GPC6: variants seen among roughly 807,000 people sequenced by gnomAD.
GPC6 encodes the protein glypican-6.
In GPC6, 14 loss-of-function variants were observed where a neutral mutation model predicts 55.2. The observed-to-expected ratio is 0.25, with a 90% CI of 0.17 to 0.40. The LOEUF (loss-of-function observed/expected upper bound fraction) is 0.40, where lower values mean the gene tolerates loss of function less well. Among genes scored for constraint, GPC6 ranks in the 10% least tolerant of loss-of-function variants. GPC6 has a pLI of 1.00. For synonymous variants in GPC6, 278 were observed against 259.6 expected (o/e 1.07, Z -0.68); for missense variants, 641 against 708.5 (o/e 0.90, Z 1.08).
At chr13:94,125,817 TA>T in intron 4 of GPC6, among the ~76,000 whole-genome samples, 2 of 152,098 alleles carry the variant, frequency 1.3e-5, no homozygotes, top group South Asian at 4.2e-4. Flanking sequence ...AAAGTTACAT[TA>T]TAAACTCCAG....
At chr13:93,556,016 C>G (rs1259438834) in intron 2 of GPC6, among the ~76,000 whole-genome samples, 1 of 152,170 alleles carries the variant, frequency 6.6e-6, no homozygotes, top group Non-Finnish European at 1.5e-5. Context: ...GCCTCCATAT[C>G]TAAGGTGGCA....
At chr13:94,107,459 T>C (rs1886095157) in intron 4 of GPC6, among the ~76,000 whole-genome samples, 1 of 152,120 alleles carries the variant, frequency 6.6e-6, no homozygotes, top group Non-Finnish European at 1.5e-5. Flanking sequence ...AGGCAATCCA[T>C]TCTTTTTGGG....
At chr13:93,643,725 T>A (rs764011613) in intron 2 of GPC6, among the ~76,000 whole-genome samples, 19 of 152,004 alleles carry the variant, frequency 1.2e-4, no homozygotes, top group Non-Finnish European at 1.6e-4. Context: ...GAGGCCAGAG[T>A]TTTCCTTTTG....
chr13:93,956,130 G>A (rs1328383133), intron 3 of GPC6, among the ~76,000 whole-genome samples: 1 of 151,970 alleles, frequency 6.6e-6, no homozygotes, highest in African/African-American at 2.4e-5. Context: ...TCCTCCTGCT[G>A]TCTTTGCTTG....
chr13:93,701,004 A>G (rs905250618), intron 2 of GPC6, among the ~76,000 whole-genome samples: 7 of 152,152 alleles, frequency 4.6e-5, no homozygotes, highest in Non-Finnish European at 1.0e-4. Flanking sequence ...AACAATTTGT[A>G]CTTACACTGA....
At chr13:93,375,172 A>G (rs1304118326) in intron 1 of GPC6, among the ~76,000 whole-genome samples, 1 of 152,184 alleles carries the variant, frequency 6.6e-6, no homozygotes, top group Non-Finnish European at 1.5e-5. Context: ...TTTCCTAATT[A>G]TTCTTCTTGA....
At chr13:93,653,481 T>C (rs1202338902) in intron 2 of GPC6, among the ~76,000 whole-genome samples, 1 of 152,122 alleles carries the variant, frequency 6.6e-6, no homozygotes, top group Non-Finnish European at 1.5e-5. Context: ...AAGCATGCTT[T>C]CACCTTCTTC....
intron 1 of GPC6, among the ~76,000 whole-genome samples, chr13:93,495,889 C>G (rs953563796): frequency 6.8e-6 from 1 of 147,704 alleles, no homozygotes; most frequent in African/African-American, 2.5e-5. Flanking sequence ...GTTCTCAGAT[C>G]TCCAGCTGCG....
chr13:93,543,634 G>T (rs1039111672), intron 1 of GPC6, among the ~76,000 whole-genome samples: 1 of 152,102 alleles, frequency 6.6e-6, no homozygotes, highest in African/African-American at 2.4e-5. Context: ...GTAGAATTCG[G>T]CTGTGAATCC....
At position 94,307,241 on chromosome 13, in the gene GPC6, T is replaced by A. The variant is rs78493160; in HGVS notation, c.1152+1118T>A. On this transcript the variant is annotated intron_variant, in intron 6 of 8. Transcript: ENST00000377047. ...ATTTTGTTATAAATTTATTGCCATT[T>A]ATTAGCAAATAAAACCTTCTCTCTA... Among the ~76,000 whole-genome samples, 19 of 152,376 alleles carry A rather than the reference T, an allele frequency of 1.2e-4. No homozygotes were observed. In the East Asian group the frequency reaches 3.7e-3, roughly 29 times the overall value.
intron 4 of GPC6, among the ~76,000 whole-genome samples, chr13:94,156,212 TC>T (rs1887931387): frequency 6.6e-6 from 1 of 152,188 alleles, no homozygotes; most frequent in South Asian, 2.1e-4. Flanking sequence ...ACCTGGCAAG[TC>T]CTAGCATTAT....
intron 4 of GPC6, among the ~76,000 whole-genome samples, chr13:94,228,883 A>G (rs1890637708): frequency 6.6e-6 from 1 of 152,158 alleles, no homozygotes; most frequent in South Asian, 2.1e-4. Flanking sequence ...GTAACCAGGC[A>G]GATATAAATG....
chr13:93,376,323 C>G (rs1230998883), intron 1 of GPC6, among the ~76,000 whole-genome samples: 5 of 152,038 alleles, frequency 3.3e-5, no homozygotes, highest in African/African-American at 1.2e-4. Flanking sequence ...TATTTTAAAG[C>G]ATATAGTCAT....
At chr13:93,936,896 C>T (rs1878463642) in intron 3 of GPC6, among the ~76,000 whole-genome samples, 1 of 152,206 alleles carries the variant, frequency 6.6e-6, no homozygotes, top group Non-Finnish European at 1.5e-5. Context: ...CCTCCTACTT[C>T]TTGCAGCATC....
At chr13:93,274,172 G>T (rs559481721) in intron 1 of GPC6, among the ~76,000 whole-genome samples, 28 of 152,238 alleles carry the variant, frequency 1.8e-4, no homozygotes, top group Non-Finnish European at 3.5e-4. Flanking sequence ...AAAGCGAGTG[G>T]TAAAAAGCAG....
chr13:94,008,447 G>A (rs1882106387), intron 3 of GPC6, among the ~76,000 whole-genome samples: 2 of 152,126 alleles, frequency 1.3e-5, no homozygotes, highest in South Asian at 4.1e-4. Context: ...TTGAGGTTGG[G>A]AGTTTGACAC....
chr13:93,908,514 G>GA (rs1211781809), intron 3 of GPC6, among the ~76,000 whole-genome samples: 1 of 152,144 alleles, frequency 6.6e-6, no homozygotes, highest in Non-Finnish European at 1.5e-5. Flanking sequence ...CTTTGTGTTT[G>GA]TAGCATTTAC....
chr13:94,303,561 A>G (rs1304817633), intron 5 of GPC6, among the ~76,000 whole-genome samples: 1 of 152,092 alleles, frequency 6.6e-6, no homozygotes, highest in Non-Finnish European at 1.5e-5. Context: ...GGTTGTTGTG[A>G]CAGATTGTTA....
chr13:93,921,776 G>A (rs114064022), intron 3 of GPC6, among the ~76,000 whole-genome samples: 2,449 of 151,786 alleles, frequency 0.016, 84 homozygotes, highest in African/African-American at 0.056. Context: ...TTTCCATTTA[G>A]AGCCATTTAC....
Sources: gnomAD v4.1 joint callset for allele counts (sites outside exome capture counted in the v4.1 genomes callset) on GRCh38, gnomAD v4.1.1 for gene constraint, MANE v1.5 for transcripts, NCBI Gene and HGNC (gene_info 2026-07-23, HGNC 2026-07-21) for gene names.